The following KCNIP4 variants were observed in gnomAD, a reference collection of about 807,000 sequenced individuals.
KCNIP4 encodes Kv channel-interacting protein 4.
Under a neutral mutation model 34.0 loss-of-function variants are expected in KCNIP4, and 12 were observed. The observed-to-expected ratio is 0.35, with a 90% CI of 0.23 to 0.57. KCNIP4 has a LOEUF of 0.57. KCNIP4 is among the 20% of genes least tolerant of loss of function. The probability of loss-of-function intolerance (pLI) is 0.83; values close to 1 mark genes in which losing one functional copy is unlikely to be tolerated. For synonymous variants in KCNIP4, 124 were observed against 102.2 expected (o/e 1.21, Z -1.29); for missense variants, 238 against 311.7 (o/e 0.76, Z 1.78).
intron 1 of KCNIP4, among the ~76,000 whole-genome samples, chr4:20,901,207 A>C (rs1727120742): frequency 1.3e-5 from 2 of 152,234 alleles, no homozygotes; most frequent in African/African-American, 4.8e-5. Flanking sequence ...TGAGATAAGC[A>C]TGAAAAAGTT....
chr4:21,794,369 C>T (rs776189784), intron 1 of KCNIP4, among the ~76,000 whole-genome samples: 14 of 152,198 alleles, frequency 9.2e-5, no homozygotes, highest in Non-Finnish European at 1.8e-4. Context: ...GGGCCACTTA[C>T]TCATAAACTG....
chr4:21,410,132 T>C (rs1724355974), intron 1 of KCNIP4, among the ~76,000 whole-genome samples: 1 of 152,224 alleles, frequency 6.6e-6, no homozygotes, highest in Admixed American at 6.5e-5. Flanking sequence ...ACTTACTATA[T>C]TTTGTTCAAA....
chr4:20,837,093 A>C (rs1315754660), intron 3 of KCNIP4, among the ~76,000 whole-genome samples: 2 of 152,050 alleles, frequency 1.3e-5, no homozygotes, highest in Non-Finnish European at 2.9e-5. Context: ...AACAATTAAC[A>C]ACCACAGGGA....
At chr4:21,695,497 G>A (rs1056076933) in intron 1 of KCNIP4, among the ~76,000 whole-genome samples, 2 of 151,582 alleles carry the variant, frequency 1.3e-5, no homozygotes, top group Admixed American at 1.3e-4. Flanking sequence ...TTCCAAATAC[G>A]CATTGAATAA....
At chr4:21,044,056 A>G (rs1742203242) in intron 1 of KCNIP4, among the ~76,000 whole-genome samples, 1 of 152,120 alleles carries the variant, frequency 6.6e-6, no homozygotes, top group South Asian at 2.1e-4. Flanking sequence ...GCTTTGACTT[A>G]TCAAACATCT....
At chr4:21,142,397 G>A (rs1160582982) in intron 1 of KCNIP4, among the ~76,000 whole-genome samples, 1 of 152,114 alleles carries the variant, frequency 6.6e-6, no homozygotes, top group Admixed American at 6.5e-5. Flanking sequence ...ACAAATAGGA[G>A]GGGTTAGTTA....
At chr4:21,480,825 A>G (rs938636549) in intron 1 of KCNIP4, among the ~76,000 whole-genome samples, 2 of 152,214 alleles carry the variant, frequency 1.3e-5, no homozygotes, top group Admixed American at 6.5e-5. Flanking sequence ...AGGATATTCA[A>G]TATTGTAGAG....
chr4:20,838,102 C>T (rs1047282689), intron 3 of KCNIP4, among the ~76,000 whole-genome samples: 1 of 152,142 alleles, frequency 6.6e-6, no homozygotes, highest in Admixed American at 6.6e-5. Flanking sequence ...GGGCTCTGTG[C>T]TGTGAAGACT....
chr4:20,821,645 C>T (rs1717119325), intron 3 of KCNIP4, among the ~76,000 whole-genome samples: 1 of 152,036 alleles, frequency 6.6e-6, no homozygotes, highest in Non-Finnish European at 1.5e-5. Flanking sequence ...CCACCCTTTC[C>T]CCACAAGCCC....
At chr4:21,320,446 T>A (rs982997602) in intron 1 of KCNIP4, among the ~76,000 whole-genome samples, 1 of 152,118 alleles carries the variant, frequency 6.6e-6, no homozygotes, top group Non-Finnish European at 1.5e-5. Flanking sequence ...GTATAATCAT[T>A]CTATTGCTAA....
At chr4:21,676,876 T>A (rs1749948790) in intron 1 of KCNIP4, among the ~76,000 whole-genome samples, 1 of 151,926 alleles carries the variant, frequency 6.6e-6, no homozygotes. Flanking sequence ...AATACTGCAA[T>A]CACATTTTAT....
intron 1 of KCNIP4, among the ~76,000 whole-genome samples, chr4:21,754,722 T>C (rs558377644): frequency 2.6e-5 from 4 of 152,148 alleles, no homozygotes; most frequent in African/African-American, 9.7e-5. Context: ...TAGGATGGGA[T>C]GAAGACACTG....
At chr4:21,622,953 A>T (rs1391752792) in intron 1 of KCNIP4, among the ~76,000 whole-genome samples, 1 of 139,648 alleles carries the variant, frequency 7.2e-6, no homozygotes, top group African/African-American at 2.6e-5. Flanking sequence ...GAAAATATCC[A>T]GTCATTTATA....
chr4:21,019,930 C>A (rs1739891012), intron 1 of KCNIP4, among the ~76,000 whole-genome samples: 1 of 152,042 alleles, frequency 6.6e-6, no homozygotes, highest in Non-Finnish European at 1.5e-5. Flanking sequence ...TGATTCTGAG[C>A]CTGGCATATT....
intron 1 of KCNIP4, among the ~76,000 whole-genome samples, chr4:21,535,573 T>C (rs530798358): frequency 6.6e-6 from 1 of 152,308 alleles, no homozygotes; most frequent in African/African-American, 2.4e-5. Flanking sequence ...GAAGCATAGT[T>C]ACCCTCATTT....
chr4:21,292,807 G>C (rs181013268), intron 1 of KCNIP4, among the ~76,000 whole-genome samples: 12 of 152,276 alleles, frequency 7.9e-5, no homozygotes, highest in African/African-American at 2.9e-4. Context: ...AGCATATAAT[G>C]CAGAGACAGA....
intron 1 of KCNIP4, among the ~76,000 whole-genome samples, chr4:21,203,431 G>C (rs1756633119): frequency 6.6e-6 from 1 of 152,204 alleles, no homozygotes; most frequent in African/African-American, 2.4e-5. Flanking sequence ...CCTTGGAGTT[G>C]CTAATTATTC....
chr4:21,531,806 A>AT (rs896936124), intron 1 of KCNIP4, among the ~76,000 whole-genome samples: 12 of 151,952 alleles, frequency 7.9e-5, no homozygotes, highest in African/African-American at 2.9e-4. Context: ...AGGTAAGATT[A>AT]TTTTTTTTAA....
chr4:21,943,720 GC>G (rs748355874), intron 1 of KCNIP4, among the ~76,000 whole-genome samples: 4 of 152,098 alleles, frequency 2.6e-5, no homozygotes, highest in Non-Finnish European at 5.9e-5. Flanking sequence ...AAGATTTTGT[GC>G]AGGAGAATCT....
Sources: gnomAD v4.1 joint callset for allele counts (sites outside exome capture counted in the v4.1 genomes callset) on GRCh38, gnomAD v4.1.1 for gene constraint, MANE v1.5 for transcripts, NCBI Gene and HGNC (gene_info 2026-07-23, HGNC 2026-07-21) for gene names.